DLGAP2: variants seen among roughly 807,000 people sequenced by gnomAD.
DLGAP2 encodes DLG associated protein 2, also known as disks large-associated protein 2.
DLGAP2 carries 26 observed loss-of-function variants against 100.3 expected under a neutral mutation model. That is an observed-to-expected ratio of 0.26 (90% CI 0.19 to 0.36). The LOEUF (loss-of-function observed/expected upper bound fraction) is 0.36. DLGAP2 is among the 10% of genes least tolerant of loss of function. The probability of loss-of-function intolerance (pLI) is 1.00; values close to 1 mark genes in which losing one functional copy is unlikely to be tolerated. For synonymous variants in DLGAP2, 886 were observed against 630.1 expected (o/e 1.41, Z -6.08); for missense variants, 1,858 against 1,453.2 (o/e 1.28, Z -4.53).
chr8:1,276,535 A>G (rs1799701643), intron 3 of DLGAP2, among the ~76,000 whole-genome samples: 1 of 151,964 alleles, frequency 6.6e-6, no homozygotes, highest in Non-Finnish European at 1.5e-5. Context: ...CCTTTGCTTT[A>G]CCCTGAAGGT....
At position 1,626,804 on chromosome 8, in the gene DLGAP2, T is replaced by G. The variant is rs755970924; in HGVS notation, c.1507T>G (p.Tyr503Asp). The stretch of plus-strand genomic sequence containing the variant: ...ACACAGCCTGGACCCCGCTGCGAAC[T>G]ACAACTCCCCGAAATTCCGCTCCCG... Reference protein sequence around the residue: ...VGHSLDPAANYNSPKFRSRNQ... With the variant: ...VGHSLDPAANDNSPKFRSRNQ... The change falls in exon 7 of 15, where the codon TAC becomes GAC. Residue 503 changes from tyrosine (Y) to aspartate (D), a missense_variant. By Grantham distance (160) the Tyr-to-Asp change is radical. Coordinates refer to ENST00000637795, the MANE Select transcript of DLGAP2 (RefSeq NM_001346810.2). The G allele has an allele frequency of 1.2e-6, 2 of 1,604,820 alleles. No homozygotes were observed. The highest frequency in any genetic ancestry group is 2.3e-5 in the South Asian group (2 of 88,490).
chr8:843,464 C>T (rs942513273), intron 1 of DLGAP2, among the ~76,000 whole-genome samples: 3 of 152,230 alleles, frequency 2.0e-5, no homozygotes, highest in Admixed American at 2.0e-4. Context: ...GGCTTTGGGG[C>T]CTGGCTTGGG....
At chr8:909,233 T>A (rs1173490584) in intron 2 of DLGAP2, among the ~76,000 whole-genome samples, 1 of 152,160 alleles carries the variant, frequency 6.6e-6, no homozygotes, top group Non-Finnish European at 1.5e-5. Flanking sequence ...TTTCTGGAAG[T>A]CTTGGTTATG....
At chr8:1,445,861 T>C (rs1379851495) in intron 3 of DLGAP2, among the ~76,000 whole-genome samples, 2 of 152,228 alleles carry the variant, frequency 1.3e-5, no homozygotes, top group Non-Finnish European at 2.9e-5. Context: ...CATATTTTCA[T>C]GTGGTTTTTG....
chr8:1,417,813 C>T lies in DLGAP2; in HGVS notation c.107-83553C>T, dbSNP rs575725313. 3.3e-5 allele frequency among the ~76,000 whole-genome samples: 5 copies of T among 152,122 alleles called. No homozygotes were observed. In the East Asian group the frequency reaches 9.6e-4, roughly 29 times the overall value. Reference sequence around the variant, plus strand: ...GTGATCAATGTCTCCACAAATGCAGCTAATGCATTTGAAGAATTCGATTAT... The same window carrying T: ...GTGATCAATGTCTCCACAAATGCAGTTAATGCATTTGAAGAATTCGATTAT... On this transcript the variant is annotated intron_variant, in intron 3 of 14. Coordinates refer to ENST00000637795, the MANE Select transcript of DLGAP2 (RefSeq NM_001346810.2).
intron 3 of DLGAP2, among the ~76,000 whole-genome samples, chr8:1,331,247 A>T (rs1181364546): frequency 6.6e-6 from 1 of 152,202 alleles, no homozygotes; most frequent in South Asian, 2.1e-4. Flanking sequence ...GTGTGCCATA[A>T]CTAAGGCCGC....
At chr8:1,521,585 T>A (rs997316446) in intron 4 of DLGAP2, among the ~76,000 whole-genome samples, 1 of 19,368 alleles carries the variant, frequency 5.2e-5, no homozygotes, top group Non-Finnish European at 1.8e-4. Context: ...GTCTCTGGTT[T>A]GCACACTTGT....
intron 4 of DLGAP2, among the ~76,000 whole-genome samples, chr8:1,506,358 G>T (rs569271687): frequency 6.6e-5 from 10 of 152,298 alleles, no homozygotes; most frequent in African/African-American, 2.4e-4. Context: ...TCTCACTGAC[G>T]TCAAGAATGA....
chr8:898,352 C>T (rs1252132368), intron 1 of DLGAP2, among the ~76,000 whole-genome samples: 1 of 152,148 alleles, frequency 6.6e-6, no homozygotes, highest in African/African-American at 2.4e-5. Context: ...ACAAAGCACA[C>T]GCATCTCCTC....
chr8:1,013,157 G>T (rs1584974760), intron 2 of DLGAP2, among the ~76,000 whole-genome samples: 1 of 152,162 alleles, frequency 6.6e-6, no homozygotes. Context: ...TGAAAGGCCT[G>T]TGCTGCTAAT....
At chr8:786,697 G>T (rs6995703) in intron 1 of DLGAP2, among the ~76,000 whole-genome samples, 21,713 of 152,016 alleles carry the variant, frequency 0.14, 1,744 homozygotes, top group East Asian at 0.24. Flanking sequence ...GAGGGGTGGG[G>T]TGGCTGAGAA....
intron 2 of DLGAP2, among the ~76,000 whole-genome samples, chr8:1,242,403 AG>A: frequency 6.6e-6 from 1 of 152,244 alleles, no homozygotes; most frequent in East Asian, 1.9e-4. Context: ...ATCACCAGCC[AG>A]GGGTCAGCAG....
chr8:994,822 G>C (rs562624354), intron 2 of DLGAP2, among the ~76,000 whole-genome samples: 5 of 152,174 alleles, frequency 3.3e-5, no homozygotes, highest in Non-Finnish European at 7.3e-5. Context: ...TATCACAGCA[G>C]ACGAAGAGTC....
intron 6 of DLGAP2, among the ~76,000 whole-genome samples, chr8:1,614,348 G>C (rs1304632866): frequency 6.6e-6 from 1 of 152,218 alleles, no homozygotes; most frequent in Non-Finnish European, 1.5e-5. Flanking sequence ...CAGTGAACAC[G>C]GAATTACCAG....
At chr8:1,332,539 C>G (rs1477456138) in intron 3 of DLGAP2, among the ~76,000 whole-genome samples, 1 of 152,162 alleles carries the variant, frequency 6.6e-6, no homozygotes, top group Non-Finnish European at 1.5e-5. Context: ...GCACACACTC[C>G]TACAGATGCA....
At chr8:1,510,869 G>A (rs1463331180) in intron 4 of DLGAP2, among the ~76,000 whole-genome samples, 2 of 152,234 alleles carry the variant, frequency 1.3e-5, no homozygotes, top group African/African-American at 2.4e-5. Context: ...TGAGGTCGGT[G>A]TTACATAATT....
At chr8:1,542,670 T>C (rs1019319538) in intron 4 of DLGAP2, among the ~76,000 whole-genome samples, 5 of 152,224 alleles carry the variant, frequency 3.3e-5, no homozygotes, top group African/African-American at 1.2e-4. Context: ...TCTCCACTTT[T>C]TGGCAACTAT....
At chr8:745,606 A>G (rs1437593807) in intron 1 of DLGAP2, among the ~76,000 whole-genome samples, 1 of 152,226 alleles carries the variant, frequency 6.6e-6, no homozygotes, top group African/African-American at 2.4e-5. Flanking sequence ...GGAAATAATC[A>G]TGAATTTACA....
chr8:1,042,257 G>T (rs565173847), intron 2 of DLGAP2, among the ~76,000 whole-genome samples: 7 of 152,336 alleles, frequency 4.6e-5, no homozygotes, highest in African/African-American at 1.7e-4. Flanking sequence ...CATTCTTGGG[G>T]CACAGCCTTG....
Sources: gnomAD v4.1 joint callset for allele counts (sites outside exome capture counted in the v4.1 genomes callset) on GRCh38, gnomAD v4.1.1 for gene constraint, MANE v1.5 for transcripts, NCBI Gene and HGNC (gene_info 2026-07-23, HGNC 2026-07-21) for gene names.